COL18A1: variants seen among roughly 807,000 people sequenced by gnomAD.
COL18A1 encodes collagen type XVIII alpha 1 chain.
Under a neutral mutation model 168.0 loss-of-function variants are expected in COL18A1, and 133 were observed. That is an observed-to-expected ratio of 0.79 (90% CI 0.69 to 0.91). The LOEUF (loss-of-function observed/expected upper bound fraction) is 0.91, where lower values mean the gene tolerates loss of function less well. Among genes scored for constraint, COL18A1 ranks in the 40% least tolerant of loss-of-function variants. The pLI is 0.00. For missense variants in COL18A1, 2,126 were observed against 1,925.4 expected (o/e 1.10, Z -1.95); for synonymous variants, 949 against 809.0 (o/e 1.17, Z -2.94).
Position 45,495,161 on chromosome 21 carries a change from G to T in COL18A1, c.2434-197G>T. 5 of 658,598 alleles carry T rather than the reference G, an allele frequency of 7.6e-6. No individual in the cohort carries two copies. The South Asian group carries it at 8.7e-5, about 11-fold the overall frequency. 40.8% of individuals were successfully genotyped at this position (658,598 alleles called of 1,614,324 possible). A position where few individuals can be genotyped will look rare whatever the true frequency, so the allele number is the denominator to read the frequency against. On this transcript the variant is annotated intron_variant, in intron 28 of 41. Transcript: ENST00000651438. Reference sequence around the variant, plus strand: ...AGGGCAGTGGGCCTGTGTGTGCTAGGCTCAGTCACCTCCTCCCAAAAGGGT... The same window carrying T: ...AGGGCAGTGGGCCTGTGTGTGCTAGTCTCAGTCACCTCCTCCCAAAAGGGT...
chr21:45,416,370 GCA>G (rs2033444496), intron 2 of COL18A1, among the ~76,000 whole-genome samples: 2 of 151,996 alleles, frequency 1.3e-5, no homozygotes, highest in South Asian at 4.2e-4. Flanking sequence ...GGTGGCCGGG[GCA>G]CAGTCTCCCC....
At chr21:45,410,522 T>TA (rs955295569) in intron 2 of COL18A1, among the ~76,000 whole-genome samples, 1 of 152,152 alleles carries the variant, frequency 6.6e-6, no homozygotes, top group African/African-American at 2.4e-5. Context: ...CGTGATTGGT[T>TA]ACGGTGGCGG....
intron 2 of COL18A1, among the ~76,000 whole-genome samples, chr21:45,437,793 CAG>C (rs771521726): frequency 2.4e-4 from 18 of 75,202 alleles, no homozygotes; most frequent in Admixed American, 5.7e-4. Flanking sequence ...CACTCACACA[CAG>C]ACACACAGGC....
intron 39 of COL18A1, 123 bp downstream of exon 39, chr21:45,509,724 C>T (rs937921192): frequency 3.4e-5 from 25 of 727,146 alleles, no homozygotes; most frequent in South Asian, 7.4e-5. Flanking sequence ...GGGGGTCTGG[C>T]GGCTCAGGGC....
chr21:45,499,427 A>T (rs1028186769), intron 32 of COL18A1, among the ~76,000 whole-genome samples: 3 of 151,292 alleles, frequency 2.0e-5, no homozygotes, highest in Admixed American at 6.6e-5. Flanking sequence ...GTGGGGTCAG[A>T]GGCTCCCGCG....
At position 45,510,203 on chromosome 21, in the gene COL18A1, A is replaced by G; in HGVS notation, c.3635A>G (p.Asp1212Gly). 1 of 1,603,366 alleles carries G rather than the reference A, an allele frequency of 6.2e-7. No individual in the cohort carries two copies. Among genetic ancestry groups the G allele is most frequent in the Non-Finnish European group, 8.5e-7 (1 of 1,175,852 alleles). ...FRAFLSSRLQ[D>G]LYSIVRRADR... is the part of the protein sequence containing the mutation. ...GCCTTCCTGTCCTCGCGCCTGCAGG[A>G]CCTGTACAGCATCGTGCGCCGTGCC... The change falls in exon 40 of 42, where the codon GAC (aspartate) becomes GGC (glycine). Residue 1212 changes from aspartate to glycine, a missense_variant. Transcript: ENST00000651438.
chr21:45,450,306 G>A lies in COL18A1; in HGVS notation c.107-17936G>A, dbSNP rs556946709. ...GGGTGGCTCAGGTGGGGTCTGCCCT[G>A]CTCCCTCATCCCTGTCATCCTCCCC... On this transcript the variant is annotated intron_variant, in intron 2 of 41. Transcript: ENST00000651438. Among the ~76,000 whole-genome samples the A allele has an allele frequency of 2.6e-5, 4 of 152,266 alleles. No individual in the cohort carries two copies. The South Asian group carries it at 8.3e-4, about 32-fold the overall frequency.
rs565354790 is a variant in COL18A1 at position 45,478,042 on chromosome 21, C to T, written c.1221+77C>T. On this transcript the variant is annotated intron_variant, in intron 8 of 41. Transcript: ENST00000651438. ...GGGTAGGAGGGGGAGAGGCTGCGGC[C>T]GACATGGGAGTGAGCTGAGCTGGGA... The T allele has an allele frequency of 5.0e-4, 417 of 840,538 alleles. 1 individual carries two copies. The African/African-American group carries it at 6.1e-3, about 12-fold the overall frequency. 52.1% of individuals were successfully genotyped at this position (840,538 alleles called of 1,614,324 possible).
intron 2 of COL18A1, among the ~76,000 whole-genome samples, chr21:45,437,135 TCTCCACACA>T (rs2034132726): frequency 1.3e-5 from 1 of 75,984 alleles, no homozygotes; most frequent in Non-Finnish European, 2.4e-5. Flanking sequence ...ACACAGGCAC[TCTCCACACA>T]CACTCACACT....
chr21:45,468,064 C>T (rs1486494636), intron 2 of COL18A1, among the ~76,000 whole-genome samples, 178 bp from the exon 3 acceptor site: 1 of 152,184 alleles, frequency 6.6e-6, no homozygotes, highest in African/African-American at 2.4e-5. Context: ...ATGAGTGAAC[C>T]AGGGTGGCCG....
At chr21:45,511,247 G>A in intron 41 of COL18A1, 21 bp downstream of exon 41, 1 of 1,322,986 alleles carries the variant, frequency 7.6e-7, no homozygotes, top group Non-Finnish European at 1.1e-6. Flanking sequence ...AGTGCCGTGT[G>A]AGCAGCTCTG....
At position 45,425,376 on chromosome 21, in the gene COL18A1, TG is replaced by T. The variant is rs2033766054; in HGVS notation, c.106+19905del. Among the ~76,000 whole-genome samples the T allele has an allele frequency of 1.3e-5, 2 of 152,280 alleles. No homozygotes were observed. Among genetic ancestry groups the T allele is most frequent in the Admixed American group, 6.5e-5 (1 of 15,300 alleles). On this transcript the variant is annotated intron_variant, in intron 2 of 41. Transcript: ENST00000651438. The surrounding 1 kb of genome is among the most constrained non-coding windows in gnomAD (Gnocchi z 4.1). ...CAGACTGGGCTCCCCTGGAGGACCCTGGTGCTGACACAGAGTCAGCGGGTCC... is the reference window on the plus strand; with the variant it reads ...CAGACTGGGCTCCCCTGGAGGACCCTGTGCTGACACAGAGTCAGCGGGTCC...
chr21:45,418,407 G>A (rs545963522), intron 2 of COL18A1, among the ~76,000 whole-genome samples: 7 of 152,220 alleles, frequency 4.6e-5, no homozygotes, highest in African/African-American at 1.7e-4. Flanking sequence ...CAAGGCAGCC[G>A]TCCCTTCTTG....
At chr21:45,475,188 C>T (rs915734648) in intron 4 of COL18A1, among the ~76,000 whole-genome samples, 4 of 152,226 alleles carry the variant, frequency 2.6e-5, no homozygotes, top group African/African-American at 7.2e-5. Context: ...GAGAGGAGCG[C>T]GTTCCCCCTC....
Position 45,405,226 on chromosome 21 carries a change from A to C in COL18A1, c.-5A>C. ...TCCCGCGGCGCTGACGGTCCTGGGG[A>C]GAGCATGGCGCCGAGGTGAGGCCGG... On this transcript the variant is annotated 5_prime_UTR_variant, in exon 1 of 42. Transcript: ENST00000651438. 1 of 127,142 alleles carries C rather than the reference A, an allele frequency of 7.9e-6. No individual in the cohort carries two copies. The highest frequency in any genetic ancestry group is 1.3e-5 in the Non-Finnish European group (1 of 76,608). The allele number at this position is 127,142 out of a possible 1,614,324, so 7.9% of individuals were successfully genotyped here. A position where few individuals can be genotyped will look rare whatever the true frequency, so the allele number is the denominator to read the frequency against.
chr21:45,415,450 C>G (rs1384793749), intron 2 of COL18A1, among the ~76,000 whole-genome samples: 1 of 152,146 alleles, frequency 6.6e-6, no homozygotes, highest in African/African-American at 2.4e-5. Context: ...ACACCCAGGG[C>G]TCAGAGCTCA....
At chr21:45,479,552 A>G (rs973105445) in intron 9 of COL18A1, among the ~76,000 whole-genome samples, 1 of 146,936 alleles carries the variant, frequency 6.8e-6, no homozygotes. Context: ...CATCACACAT[A>G]CATATCACAC....
At chr21:45,462,233 G>A (rs2035070744) in intron 2 of COL18A1, among the ~76,000 whole-genome samples, 1 of 152,126 alleles carries the variant, frequency 6.6e-6, no homozygotes, top group African/African-American at 2.4e-5. Flanking sequence ...AATGTAACTT[G>A]GTGTGAGTCT....
intron 41 of COL18A1, among the ~76,000 whole-genome samples, chr21:45,511,478 C>A (rs981940784): frequency 3.3e-5 from 5 of 152,110 alleles, no homozygotes; most frequent in Non-Finnish European, 7.4e-5. Flanking sequence ...CTGCTCATGG[C>A]GGATAGACTC....
Sources: allele counts gnomAD v4.1 joint callset (sites outside exome capture counted in the v4.1 genomes callset), GRCh38; gene constraint gnomAD v4.1.1; non-coding constraint Gnocchi (gnomAD v3.1); transcripts MANE v1.5; gene names NCBI Gene and HGNC (gene_info 2026-07-23, HGNC 2026-07-21).